The following UNC5B variants were observed in gnomAD, a reference collection of about 807,000 sequenced individuals.
The protein encoded by UNC5B is unc-5 netrin receptor B.
UNC5B carries 56 observed loss-of-function variants against 103.7 expected under a neutral mutation model. That is an observed-to-expected ratio of 0.54 (90% confidence interval 0.44 to 0.67). The LOEUF (loss-of-function observed/expected upper bound fraction) is 0.67. UNC5B is among the 30% of genes least tolerant of loss of function. UNC5B has a pLI of 0.00. For missense variants in UNC5B, 1,194 were observed against 1,284.5 expected (o/e 0.93, Z 1.08); for synonymous variants, 577 against 542.0 (o/e 1.06, Z -0.90).
At chr10:71,284,466 T>C (rs1369898154) in intron 2 of UNC5B, among the ~76,000 whole-genome samples, 1 of 152,122 alleles carries the variant, frequency 6.6e-6, no homozygotes, top group African/African-American at 2.4e-5. Flanking sequence ...ACACCACTTG[T>C]GCATTTTGGA....
At chr10:71,240,150 A>G (rs1237504184) in intron 1 of UNC5B, among the ~76,000 whole-genome samples, 1 of 151,902 alleles carries the variant, frequency 6.6e-6, no homozygotes, top group Non-Finnish European at 1.5e-5. Context: ...CCCGGAGATT[A>G]TGAGCCGCGC....
At chr10:71,264,451 A>T (rs1351549282) in intron 1 of UNC5B, among the ~76,000 whole-genome samples, 1 of 152,212 alleles carries the variant, frequency 6.6e-6, no homozygotes, top group African/African-American at 2.4e-5. Flanking sequence ...AACACAGGTG[A>T]TGGCCATCAT....
In UNC5B at chr10:71,299,368, C is replaced by A; in HGVS notation, c.*91C>A. ...TCCTGATGGGGATGTTTGGCCTCTG[C>A]TTCCTCCCAGTTCACAGCCAGAGTT... On this transcript the variant is annotated 3_prime_UTR_variant, in exon 17 of 17. Coordinates refer to ENST00000335350, the MANE Select transcript of UNC5B (RefSeq NM_170744.5). The A allele has an allele frequency of 6.6e-7, 1 of 1,519,856 alleles. No homozygotes were observed. The highest frequency in any genetic ancestry group is 8.9e-7 in the Non-Finnish European group (1 of 1,122,608). The allele number at this position is 1,519,856 out of a possible 1,614,324, so 94.1% of individuals were successfully genotyped here.
intron 1 of UNC5B, among the ~76,000 whole-genome samples, chr10:71,219,390 C>T (rs1843406236): frequency 6.6e-6 from 1 of 152,182 alleles, no homozygotes; most frequent in South Asian, 2.1e-4. Flanking sequence ...AGTTCCAAAA[C>T]CGAAGAACTT....
intron 1 of UNC5B, among the ~76,000 whole-genome samples, chr10:71,245,905 G>A (rs1844021147): frequency 6.6e-6 from 1 of 152,208 alleles, no homozygotes; most frequent in African/African-American, 2.4e-5. Flanking sequence ...GCAGTCCCAA[G>A]GACACGGGGC....
Position 71,212,913 on chromosome 10 carries a change from G to C in UNC5B, c.-73G>C, listed in dbSNP as rs1044090006. ...CGGCGAGGAGGAGGCGGCGGCGGCG[G>C]AGACGGCGGCGGCGAGACTGGGGCC... On this transcript the variant is annotated 5_prime_UTR_variant, in exon 1 of 17. Coordinates refer to ENST00000335350, the MANE Select transcript of UNC5B (RefSeq NM_170744.5). The C allele has an allele frequency of 9.3e-6, 11 of 1,179,512 alleles. No individual in the cohort carries two copies. The South Asian group carries it at 4.3e-4, about 47-fold the overall frequency. 73.1% of individuals were successfully genotyped at this position (1,179,512 alleles called of 1,614,324 possible).
intron 1 of UNC5B, among the ~76,000 whole-genome samples, chr10:71,270,366 G>T (rs1294083579): frequency 7.6e-6 from 1 of 130,774 alleles, no homozygotes; most frequent in African/African-American, 2.8e-5. Context: ...GAGGGAGGGA[G>T]GGAGGGTGGG....
At chr10:71,255,320 A>G (rs1844265770) in intron 1 of UNC5B, among the ~76,000 whole-genome samples, 1 of 152,198 alleles carries the variant, frequency 6.6e-6, no homozygotes, top group South Asian at 2.1e-4. Context: ...TCATTCATAC[A>G]CGCTGCTAGA....
chr10:71,296,682 C>A lies in UNC5B; in HGVS notation c.2430C>A (p.Ile810=), dbSNP rs140970622. The A allele has an allele frequency of 1.2e-5, 19 of 1,614,066 alleles. No individual in the cohort carries two copies. The African/African-American group carries it at 2.4e-4, about 20-fold the overall frequency. The change falls in exon 15 of 17, where the codon ATC becomes ATA. Residue 810 remains isoleucine, a synonymous_variant. Coordinates refer to ENST00000335350, the MANE Select transcript of UNC5B (RefSeq NM_170744.5). ...CCTCCACAGAGCTCACCTGCAAGAT[C>A]TGCGTGCGGCAAGTGGAAGGGGAGG... The part of the protein sequence containing the change: ...SLASTELTCK[I]CVRQVEGEGQ...
At chr10:71,276,311 G>A (rs549805142) in intron 1 of UNC5B, among the ~76,000 whole-genome samples, 80 of 152,178 alleles carry the variant, frequency 5.3e-4, no homozygotes, top group African/African-American at 1.5e-3. Context: ...CAGGAACCCC[G>A]AGACCCCATT....
chr10:71,283,115 G>A (rs543697285), intron 2 of UNC5B, among the ~76,000 whole-genome samples: 28 of 140,438 alleles, frequency 2.0e-4, no homozygotes, highest in East Asian at 1.2e-3. Flanking sequence ...GCGAGACTCC[G>A]TCTCAAAAAA....
chr10:71,228,844 A>T (rs1843624055), intron 1 of UNC5B, among the ~76,000 whole-genome samples: 1 of 152,184 alleles, frequency 6.6e-6, no homozygotes. Context: ...AGAAGAGCAA[A>T]CTGGGGCTCA....
intron 13 of UNC5B, among the ~76,000 whole-genome samples, chr10:71,295,368 A>T (rs560417783): frequency 6.6e-6 from 1 of 152,254 alleles, no homozygotes; most frequent in South Asian, 2.1e-4. Context: ...CCATCTGTTC[A>T]TCCATCCATC....
At position 71,249,446 on chromosome 10, in the gene UNC5B, G is replaced by A. The variant is rs542158345; in HGVS notation, c.80-30375G>A. Reference sequence around the variant, plus strand: ...GGTGGGGACAAAAGTGACAGAGAGTGATAACCCTATGTGTGAGTGTATATT... The same window carrying A: ...GGTGGGGACAAAAGTGACAGAGAGTAATAACCCTATGTGTGAGTGTATATT... On this transcript the variant is annotated intron_variant, in intron 1 of 16. Coordinates refer to ENST00000335350, the MANE Select transcript of UNC5B (RefSeq NM_170744.5). Among the ~76,000 whole-genome samples, 4 of 152,360 alleles carry A rather than the reference G, an allele frequency of 2.6e-5. No homozygotes were observed. In the South Asian group the frequency reaches 8.3e-4, roughly 32 times the overall value.
intron 1 of UNC5B, among the ~76,000 whole-genome samples, chr10:71,229,253 G>T (rs1843633697): frequency 1.3e-5 from 2 of 152,218 alleles, no homozygotes; most frequent in African/African-American, 4.8e-5. Context: ...GTTTGTGGGT[G>T]CATGGGGAGC....
chr10:71,218,112 G>T (rs1449059376), intron 1 of UNC5B: 2 of 152,106 alleles, frequency 1.3e-5, no homozygotes, highest in Admixed American at 1.3e-4. Context: ...GTGGGCGGAG[G>T]TGGGAGTTTG....
intron 16 of UNC5B, among the ~76,000 whole-genome samples, 200 bp downstream of exon 16, chr10:71,298,290 G>T (rs1467537645): frequency 1.3e-5 from 2 of 152,194 alleles, no homozygotes; most frequent in African/African-American, 4.8e-5. Flanking sequence ...ATCATGCTCA[G>T]AGCACTGGTC....
intron 2 of UNC5B, among the ~76,000 whole-genome samples, chr10:71,280,739 C>T (rs182073317): frequency 2.6e-4 from 40 of 152,302 alleles, no homozygotes; most frequent in African/African-American, 8.9e-4. Context: ...AGGGTGCCCT[C>T]GAGTCTAAGT....
At chr10:71,248,167 A>G (rs10999746) in intron 1 of UNC5B, among the ~76,000 whole-genome samples, 39,302 of 152,026 alleles carry the variant, frequency 0.26, 5,260 homozygotes, top group Non-Finnish European at 0.3. Context: ...ACCAGCTCTC[A>G]GCTCTTTGAT....
Sources: allele counts gnomAD v4.1 joint callset (sites outside exome capture counted in the v4.1 genomes callset), GRCh38; gene constraint gnomAD v4.1.1; transcripts MANE v1.5; gene names NCBI Gene and HGNC (gene_info 2026-07-23, HGNC 2026-07-21).